Variants in HACD3 observed in about 807,000 individuals in gnomAD.
HACD3 encodes 3-hydroxyacyl-CoA dehydratase 3.
Under a neutral mutation model 55.2 loss-of-function variants are expected in HACD3, and 30 were observed. The observed-to-expected ratio is 0.54, with a 90% confidence interval of 0.41 to 0.74. HACD3 has a LOEUF of 0.74. HACD3 is among the 30% of genes least tolerant of loss of function. HACD3 has a pLI of 0.00. For synonymous variants in HACD3, 141 were observed against 151.7 expected (o/e 0.93, Z 0.52); for missense variants, 363 against 440.1 (o/e 0.82, Z 1.57).
chr15:65,571,868 A>G (rs1440820335), intron 9 of HACD3, among the ~76,000 whole-genome samples: 2 of 152,240 alleles, frequency 1.3e-5, no homozygotes, highest in Admixed American at 1.3e-4. Context: ...CCAGGTGGTT[A>G]TGTCCTGCAT....
At chr15:65,576,189 A>G (rs1209740586) in intron 10 of HACD3, 114 bp from the exon 11 acceptor site, 6 of 1,467,226 alleles carry the variant, frequency 4.1e-6, no homozygotes, top group Non-Finnish European at 2.7e-6. Flanking sequence ...AGCCGCTGCA[A>G]TAAGCTTTTT....
At chr15:65,549,273 C>G (rs2072107463) in intron 1 of HACD3, among the ~76,000 whole-genome samples, 1 of 151,986 alleles carries the variant, frequency 6.6e-6, no homozygotes, top group Admixed American at 6.6e-5. Flanking sequence ...GACAGCCCAA[C>G]AGGGCGCAGG....
At chr15:65,560,572 A>G (rs2072234498) in intron 5 of HACD3, among the ~76,000 whole-genome samples, 2 of 151,860 alleles carry the variant, frequency 1.3e-5, no homozygotes, top group South Asian at 4.1e-4. Flanking sequence ...CTGAGGCGGG[A>G]GGATCTTTTA....
intron 4 of HACD3, 53 bp from the exon 5 acceptor site, chr15:65,558,627 A>G: frequency 5.2e-6 from 8 of 1,523,842 alleles, no homozygotes; most frequent in Non-Finnish European, 7.1e-6. Context: ...GACTTTTGCA[A>G]GCATCTGGGA....
intron 10 of HACD3, chr15:65,574,437 C>T (rs8025961): frequency 0.2 from 31,016 of 152,196 alleles, 3,507 homozygotes; most frequent in African/African-American, 0.29. Context: ...CACAGACCAA[C>T]CCAGTATAAC....
rs2072410805 is a variant in HACD3, at chr15:65,577,159, T to A, written c.*780T>A. 6.6e-6 allele frequency: 1 copy of A among 152,228 alleles called. No homozygotes were observed. The highest frequency in any genetic ancestry group is 1.5e-5 in the Non-Finnish European group (1 of 68,052). The allele number at this position is 152,228 out of a possible 1,614,324, so 9.4% of individuals were successfully genotyped here. On this transcript the variant is annotated 3_prime_UTR_variant, in exon 11 of 11. Transcript: ENST00000261875. ...TTCCAAACTCAGCCAGGAATGTGGC[T>A]CACACCTGTAATCCCAGCACTTTGG...
chr15:65,534,156 A>T lies in HACD3; in HGVS notation c.87+3438A>T, dbSNP rs918436882. Among the ~76,000 whole-genome samples, 10 of 152,228 alleles carry T rather than the reference A, an allele frequency of 6.6e-5. No individual in the cohort carries two copies. The East Asian group carries it at 1.9e-3, about 29-fold the overall frequency. ...TATGGAGTACCTACTCTTGTCTATC[A>T]TTAAGCTAGGTGTGGGGTTCTTGGA... On this transcript the variant is annotated intron_variant, in intron 1 of 10. Transcript: ENST00000261875.
rs920556370 is a variant in HACD3, at chr15:65,530,549, C to G, written c.-83C>G. The G allele has an allele frequency of 3.0e-6, 4 of 1,319,494 alleles. No homozygotes were observed. Among genetic ancestry groups the G allele is most frequent in the Admixed American group, 2.2e-5 (1 of 45,344 alleles). 81.7% of individuals were successfully genotyped at this position (1,319,494 alleles called of 1,614,324 possible). On this transcript the variant is annotated 5_prime_UTR_variant, in exon 1 of 11. Coordinates refer to ENST00000261875, the MANE Select transcript of HACD3 (RefSeq NM_016395.4). ...CAGGAGCGCTAGGGTTTGAGGCCTG[C>G]TTTCTGCTCGCGCCAGCAGAGCACT...
chr15:65,554,668 G>T (rs540853668), intron 2 of HACD3, among the ~76,000 whole-genome samples: 7 of 151,850 alleles, frequency 4.6e-5, no homozygotes, highest in Non-Finnish European at 8.8e-5. Context: ...CCAGCTACTC[G>T]GGAGGCTGAG....
rs979758480 is a variant in HACD3 at position 65,559,999 on chromosome 15, G to T, written c.421+1268G>T. Among the ~76,000 whole-genome samples, 9 of 151,124 alleles carry T rather than the reference G, an allele frequency of 6.0e-5. No individual in the cohort carries two copies. In the South Asian group the frequency reaches 8.3e-4, roughly 14 times the overall value. On this transcript the variant is annotated intron_variant, in intron 5 of 10. Coordinates refer to ENST00000261875, the MANE Select transcript of HACD3 (RefSeq NM_016395.4). ...AGAAATAACTTTTAATTAGCTAAAT[G>T]TTGCTAGAAGTCTGACATTTTTTGG... is the stretch of plus-strand genomic sequence containing the variant.
rs192828573 is a variant in HACD3 at position 65,546,485 on chromosome 15, G to A, written c.88-5191G>A. Reference sequence around the variant, plus strand: ...TGCATATAAAAGGCAAATATTGGGAGCTTTCATTATATTTTGTAGAATGGA... The same window carrying A: ...TGCATATAAAAGGCAAATATTGGGAACTTTCATTATATTTTGTAGAATGGA... On this transcript the variant is annotated intron_variant, in intron 1 of 10. Coordinates refer to ENST00000261875, the MANE Select transcript of HACD3 (RefSeq NM_016395.4). Among the ~76,000 whole-genome samples, 14 of 152,222 alleles carry A rather than the reference G, an allele frequency of 9.2e-5. No individual in the cohort carries two copies. The East Asian group carries it at 2.7e-3, about 29-fold the overall frequency.
At chr15:65,565,597 G>A (rs2072282992) in intron 7 of HACD3, 1 of 152,346 alleles carries the variant, frequency 6.6e-6, no homozygotes, top group South Asian at 2.1e-4. Flanking sequence ...GCCCCTCTCA[G>A]CCAAGGCTGG....
At chr15:65,542,763 A>G (rs1343016104) in intron 1 of HACD3, among the ~76,000 whole-genome samples, 1 of 152,124 alleles carries the variant, frequency 6.6e-6, no homozygotes, top group Non-Finnish European at 1.5e-5. Context: ...TGTTTTACAT[A>G]TTCAAAGATA....
At chr15:65,543,943 G>A (rs1422721641) in intron 1 of HACD3, among the ~76,000 whole-genome samples, 2 of 152,152 alleles carry the variant, frequency 1.3e-5, no homozygotes, top group Admixed American at 6.6e-5. Context: ...TTGGGAGGCC[G>A]AGGTGGGCAG....
At chr15:65,536,740 ACT>A (rs1177004162) in intron 1 of HACD3, among the ~76,000 whole-genome samples, 1 of 152,090 alleles carries the variant, frequency 6.6e-6, no homozygotes, top group Admixed American at 6.6e-5. Context: ...GCAGAGTGAG[ACT>A]CTGTCTCAAA....
chr15:65,560,837 G>C (rs1321694752), intron 5 of HACD3, among the ~76,000 whole-genome samples: 2 of 149,404 alleles, frequency 1.3e-5, no homozygotes, highest in Admixed American at 1.3e-4. Flanking sequence ...TTAGATACCA[G>C]CTTTATCCAT....
intron 1 of HACD3, among the ~76,000 whole-genome samples, chr15:65,550,078 T>TA (rs2072117430): frequency 6.6e-6 from 1 of 152,272 alleles, no homozygotes; most frequent in Admixed American, 6.5e-5. Flanking sequence ...ACCAGGAAGA[T>TA]ACAACAATAT....
intron 5 of HACD3, among the ~76,000 whole-genome samples, chr15:65,560,883 G>A (rs2072238205): frequency 6.6e-6 from 1 of 150,572 alleles, no homozygotes; most frequent in African/African-American, 2.4e-5. Context: ...CCAGCCTAAT[G>A]TCGTTTTTTC....
At chr15:65,531,641 C>T (rs756485631) in intron 1 of HACD3, among the ~76,000 whole-genome samples, 1 of 152,120 alleles carries the variant, frequency 6.6e-6, no homozygotes, top group Non-Finnish European at 1.5e-5. Flanking sequence ...TCTCGGCTCA[C>T]CGCAACCTCT....
Sources: gnomAD v4.1 joint callset for allele counts (sites outside exome capture counted in the v4.1 genomes callset) on GRCh38, gnomAD v4.1.1 for gene constraint, MANE v1.5 for transcripts, NCBI Gene and HGNC (gene_info 2026-07-23, HGNC 2026-07-21) for gene names.